The following PTER variants were observed in gnomAD, a reference collection of about 807,000 sequenced individuals.
PTER encodes the protein phosphotriesterase related, also known as N-acetyltaurine hydrolase.
A neutral mutation model predicts 29.6 loss-of-function variants in PTER; 38 were observed. That is an observed-to-expected ratio of 1.28 (90% CI 0.99 to 1.68). PTER has a LOEUF of 1.68. Ranked by LOEUF, PTER falls within the 40% of genes most tolerant of loss-of-function variation. The pLI is 0.00. For synonymous variants in PTER, 172 were observed against 154.5 expected (o/e 1.11, Z -0.84); for missense variants, 482 against 427.8 (o/e 1.13, Z -1.12).
chr10:16,467,753 A>G (rs1397331909), intron 1 of PTER, among the ~76,000 whole-genome samples: 2 of 152,068 alleles, frequency 1.3e-5, no homozygotes, highest in East Asian at 1.9e-4. Flanking sequence ...TGGAGGTTGC[A>G]GTGTGCAATT....
In PTER at chr10:16,466,598, C is replaced by T. The variant is rs146664360; in HGVS notation, c.-48-17739C>T. 4.4e-3 allele frequency among the ~76,000 whole-genome samples: 672 copies of T among 152,302 alleles called. 5 individuals carry two copies. Among genetic ancestry groups the T allele is most frequent in the African/African-American group, 0.015 (643 of 41,568 alleles). On this transcript the variant is annotated intron_variant, in intron 1 of 4. Coordinates refer to ENST00000535784, the MANE Select transcript of PTER (RefSeq NM_001261836.2). Reference sequence around the variant, plus strand: ...CTCAAACTCCTGGCCTCAAGTGATCCGCCTGTCTCTGCCTCCCAAAGTGCT... The same window carrying T: ...CTCAAACTCCTGGCCTCAAGTGATCTGCCTGTCTCTGCCTCCCAAAGTGCT...
chr10:16,486,486 T>A lies in PTER; in HGVS notation c.567T>A (p.His189Gln). The A allele has an allele frequency of 3.1e-6, 5 of 1,614,100 alleles. No individual in the cohort carries two copies. The highest frequency in any genetic ancestry group is 4.2e-6 in the Non-Finnish European group (5 of 1,179,978). ...GAAAGGTTCTCCAGGCCACAGCTCA[T>A]GCCCAGGCTCAGCTTGGTTGTCCTG... ...SERKVLQATAHAQAQLGCPVI... is the reference protein window; with the variant it reads ...SERKVLQATAQAQAQLGCPVI... Residue 189 changes from histidine to glutamine, a missense_variant, in exon 3 of 5, where the codon CAT becomes CAA. Coordinates refer to ENST00000535784, the MANE Select transcript of PTER (RefSeq NM_001261836.2).
chr10:16,456,860 G>GGCGC (rs1166265726), intron 1 of PTER, among the ~76,000 whole-genome samples: 11 of 102,836 alleles, frequency 1.1e-4, no homozygotes, highest in African/African-American at 5.0e-4. Flanking sequence ...CCATGGGGAA[G>GGCGC]GTGGGGGGGG....
At chr10:16,500,663 C>T (rs548244533) in intron 3 of PTER, among the ~76,000 whole-genome samples, 6 of 152,298 alleles carry the variant, frequency 3.9e-5, no homozygotes, top group African/African-American at 1.4e-4. Context: ...ACGTTTATAA[C>T]GTAGGTAACA....
chr10:16,517,683 G>A (rs764072973), downstream of PTER, among the ~76,000 whole-genome samples: 2 of 152,152 alleles, frequency 1.3e-5, no homozygotes, highest in Non-Finnish European at 1.5e-5. Context: ...TGAGAGCTGC[G>A]GTCATTTTAG....
At chr10:16,499,764 T>G (rs1381920192) in intron 3 of PTER, among the ~76,000 whole-genome samples, 8 of 151,732 alleles carry the variant, frequency 5.3e-5, no homozygotes, top group Admixed American at 5.3e-4. Flanking sequence ...CTTAATTGCC[T>G]TCACGTTAAT....
At chr10:16,514,490 T>C (rs777631948), downstream of PTER, 3 of 1,564,416 alleles carry the variant, frequency 1.9e-6, no homozygotes, top group Non-Finnish European at 2.6e-6. Flanking sequence ...ACGAATCCAG[T>C]GTTCAAACTC....
intron 1 of PTER, among the ~76,000 whole-genome samples, chr10:16,445,940 A>G (rs1564383637): frequency 1.3e-5 from 2 of 152,126 alleles, no homozygotes; most frequent in Non-Finnish European, 1.5e-5. Flanking sequence ...ACATTTCTGC[A>G]TAAGTGTCAG....
intron 1 of PTER, among the ~76,000 whole-genome samples, chr10:16,445,098 TA>T (rs1340568165): frequency 3.3e-5 from 5 of 152,232 alleles, no homozygotes; most frequent in African/African-American, 1.2e-4. Context: ...AAATAAAAGT[TA>T]TTTTTTAAAA....
At chr10:16,502,988 CA>C (rs61446204) in intron 3 of PTER, among the ~76,000 whole-genome samples, 2,203 of 41,342 alleles carry the variant, frequency 0.053, 34 homozygotes, top group African/African-American at 0.16. Context: ...GACTCTGTCT[CA>C]AAAAAAAAAA....
intron 4 of PTER, among the ~76,000 whole-genome samples, chr10:16,507,556 G>A (rs1352276843): frequency 6.6e-6 from 1 of 152,208 alleles, no homozygotes; most frequent in East Asian, 1.9e-4. Flanking sequence ...GGGACATCCT[G>A]AGGATCTTTC....
intron 1 of PTER, among the ~76,000 whole-genome samples, chr10:16,470,779 A>C (rs1478693369): frequency 6.6e-6 from 1 of 152,142 alleles, no homozygotes; most frequent in African/African-American, 2.4e-5. Flanking sequence ...AAAAAAACAA[A>C]AAAAATTCTT....
rs560534100 is a variant in PTER at position 16,499,978 on chromosome 10, C to G, written c.699-5042C>G. On this transcript the variant is annotated intron_variant, in intron 3 of 4. Coordinates refer to ENST00000535784, the MANE Select transcript of PTER (RefSeq NM_001261836.2). ...AAACTCCTGGGCTCAAGCAACCCTC[C>G]CAGAGGCTTGGCCTCCCAAAGTGCT... Among the ~76,000 whole-genome samples, 3 of 152,146 alleles carry G rather than the reference C, an allele frequency of 2.0e-5. No individual in the cohort carries two copies. The South Asian group carries it at 6.2e-4, about 32-fold the overall frequency.
At chr10:16,516,611 A>G (rs1836955257), downstream of PTER, among the ~76,000 whole-genome samples, 1 of 152,196 alleles carries the variant, frequency 6.6e-6, no homozygotes, top group South Asian at 2.1e-4. Flanking sequence ...CTGGGCTTTA[A>G]CATGGTTTTC....
chr10:16,469,987 G>A lies in PTER; in HGVS notation c.-48-14350G>A, dbSNP rs142469176. On this transcript the variant is annotated intron_variant, in intron 1 of 4. Transcript: ENST00000535784. Reference sequence around the variant, plus strand: ...ATATAGAAATGTCATGTAAATTACCGAGTGCTGGGCTTGGCACATGGTAAT... The same window carrying A: ...ATATAGAAATGTCATGTAAATTACCAAGTGCTGGGCTTGGCACATGGTAAT... 1.3e-4 allele frequency among the ~76,000 whole-genome samples: 20 copies of A among 151,902 alleles called. 1 individual carries two copies. The East Asian group carries it at 2.9e-3, about 22-fold the overall frequency.
intron 1 of PTER, among the ~76,000 whole-genome samples, chr10:16,444,335 G>T (rs1833946859): frequency 6.6e-6 from 1 of 151,920 alleles, no homozygotes; most frequent in East Asian, 1.9e-4. Flanking sequence ...TGTCACCCAG[G>T]CCGGAGTGTG....
At chr10:16,439,497 C>T (rs1212986670) in intron 1 of PTER, among the ~76,000 whole-genome samples, 2 of 152,020 alleles carry the variant, frequency 1.3e-5, no homozygotes, top group Admixed American at 6.6e-5. Context: ...CCATAGGATC[C>T]CTGTGACTAT....
chr10:16,506,062 T>C (rs1247009263), intron 4 of PTER, among the ~76,000 whole-genome samples: 1 of 152,048 alleles, frequency 6.6e-6, no homozygotes, highest in African/African-American at 2.4e-5. Context: ...CTTATGGAAG[T>C]CAGTAGAGAG....
At position 16,505,162 on chromosome 10, in the gene PTER, T is replaced by G. The variant is rs763731824; in HGVS notation, c.839+2T>G. ...TGATGATAACAAAAGAATTAGAAGG[T>G]AAATATGGTAAAGCCTCTCATAGCA... On this transcript the variant is annotated splice_donor_variant, in intron 4 of 4. Transcript: ENST00000535784. LOFTEE classifies it high-confidence loss of function. 6.2e-7 allele frequency: 1 copy of G among 1,613,644 alleles called. No individual in the cohort carries two copies. Among genetic ancestry groups the G allele is most frequent in the Non-Finnish European group, 8.5e-7 (1 of 1,179,766 alleles).
Sources: allele counts gnomAD v4.1 joint callset (sites outside exome capture counted in the v4.1 genomes callset), GRCh38; gene constraint gnomAD v4.1.1; transcripts MANE v1.5; gene names NCBI Gene and HGNC (gene_info 2026-07-23, HGNC 2026-07-21).